The following METTL15 variants were observed in gnomAD, a reference collection of about 807,000 sequenced individuals.
METTL15 encodes the protein 12S rRNA N(4)-cytidine methyltransferase METTL15.
METTL15 carries 34 observed loss-of-function variants against 38.3 expected under a neutral mutation model. That is an observed-to-expected ratio of 0.89 (90% confidence interval 0.68 to 1.18). METTL15 has a LOEUF of 1.18. METTL15 is among the 50% of genes most tolerant of loss of function. METTL15 has a pLI of 0.00. For missense variants in METTL15, 438 were observed against 498.4 expected, an observed-to-expected ratio of 0.88 and a Z score of 1.15; for synonymous variants, 162 against 170.9, an observed-to-expected ratio of 0.95 and a Z score of 0.41.
chr11:28,188,258 A>G (rs1851576006), intron 3 of METTL15, among the ~76,000 whole-genome samples: 3 of 151,512 alleles, frequency 2.0e-5, no homozygotes, highest in South Asian at 4.1e-4. Flanking sequence ...TATTTGAAAA[A>G]AATTCAAACA....
intron 3 of METTL15, among the ~76,000 whole-genome samples, chr11:28,160,395 T>C (rs191603574): frequency 3.4e-4 from 52 of 152,192 alleles, no homozygotes; most frequent in African/African-American, 1.2e-3. Context: ...AAGGGTATTA[T>C]ACTATTTTCA....
At chr11:28,144,621 A>G (rs1038073112) in intron 3 of METTL15, among the ~76,000 whole-genome samples, 2 of 152,032 alleles carry the variant, frequency 1.3e-5, no homozygotes, top group African/African-American at 4.8e-5. Flanking sequence ...GTTTAGATAT[A>G]TATATGTGCG....
chr11:28,217,516 C>T (rs1852947745), intron 4 of METTL15, among the ~76,000 whole-genome samples: 1 of 152,074 alleles, frequency 6.6e-6, no homozygotes, highest in Non-Finnish European at 1.5e-5. Context: ...GTTGCCTGTT[C>T]ACTCTGATGG....
At chr11:28,283,504 G>T (rs1004877408) in intron 4 of METTL15, among the ~76,000 whole-genome samples, 1 of 152,138 alleles carries the variant, frequency 6.6e-6, no homozygotes, top group African/African-American at 2.4e-5. Flanking sequence ...AATGATGAAG[G>T]TCCATGTTCC....
intron 3 of METTL15, chr11:28,145,296 C>G (rs1351275760): frequency 1.3e-5 from 2 of 152,066 alleles, no homozygotes; most frequent in Non-Finnish European, 2.9e-5. Context: ...TCATCTCTTT[C>G]ATATTTCCAT....
chr11:28,384,290 A>C (rs1395861189), intron 5 of METTL15, among the ~76,000 whole-genome samples: 1 of 151,324 alleles, frequency 6.6e-6, no homozygotes, highest in Non-Finnish European at 1.5e-5. Flanking sequence ...ATATGCATGC[A>C]GATGTCTTTG....
chr11:28,375,555 CT>C (rs1337586161), intron 5 of METTL15, among the ~76,000 whole-genome samples: 3 of 152,002 alleles, frequency 2.0e-5, no homozygotes, highest in Non-Finnish European at 4.4e-5. Flanking sequence ...ATTCTTCTCT[CT>C]TTTTTTCTTT....
intron 3 of METTL15, among the ~76,000 whole-genome samples, chr11:28,114,886 A>G (rs75663467): frequency 0.15 from 23,378 of 152,256 alleles, 1,959 homozygotes; most frequent in East Asian, 0.28. Context: ...GTCAAATTAC[A>G]GTCTTAAAAG....
At chr11:28,296,985 G>GTGCATGTGTTTGTGTGCATGCACGCA (rs1856762955) in intron 6 of METTL15, 54 bp downstream of exon 6, 2 of 1,579,278 alleles carry the variant, frequency 1.3e-6, no homozygotes, top group Non-Finnish European at 1.7e-6. Flanking sequence ...ATTTACATGT[G>GTGCATGTGTTTGTGTGCATGCACGCA]TGCATGTGTT....
chr11:28,132,235 C>A (rs1849362567), intron 3 of METTL15, among the ~76,000 whole-genome samples: 1 of 152,082 alleles, frequency 6.6e-6, no homozygotes, highest in Non-Finnish European at 1.5e-5. Flanking sequence ...CTGTAAAGGT[C>A]ATAGCAACAG....
chr11:28,154,880 C>T (rs1850210223), intron 3 of METTL15, among the ~76,000 whole-genome samples: 1 of 152,040 alleles, frequency 6.6e-6, no homozygotes, highest in Admixed American at 6.6e-5. Context: ...TGAATTTGTG[C>T]CATTCTCAGT....
intron 4 of METTL15, among the ~76,000 whole-genome samples, chr11:28,214,350 TAG>T (rs1428726523): frequency 6.6e-6 from 1 of 152,028 alleles, no homozygotes; most frequent in Admixed American, 6.6e-5. Flanking sequence ...CAAATCTTGA[TAG>T]AGATAGTATA....
chr11:28,266,182 C>T (rs1463083926), intron 4 of METTL15, among the ~76,000 whole-genome samples: 1 of 152,118 alleles, frequency 6.6e-6, no homozygotes, highest in African/African-American at 2.4e-5. Context: ...CTAGAAATAC[C>T]ATTTGACCCA....
At chr11:28,409,545 G>T (rs1441327417) in intron 5 of METTL15, among the ~76,000 whole-genome samples, 1 of 151,888 alleles carries the variant, frequency 6.6e-6, no homozygotes, top group South Asian at 2.1e-4. Flanking sequence ...ATCAAAGCAG[G>T]ACCCAAAAGG....
At chr11:28,341,041 A>G (rs1849947543) in intron 3 of METTL15, among the ~76,000 whole-genome samples, 1 of 152,178 alleles carries the variant, frequency 6.6e-6, no homozygotes, top group Admixed American at 6.5e-5. Flanking sequence ...GAAGCTAGAA[A>G]CCATCATTCT....
intron 5 of METTL15, among the ~76,000 whole-genome samples, chr11:28,376,572 A>G (rs1039387199): frequency 2.0e-5 from 3 of 151,966 alleles, no homozygotes; most frequent in Admixed American, 2.0e-4. Flanking sequence ...TGCACGTGAG[A>G]TGGGTTTCCT....
intron 3 of METTL15, among the ~76,000 whole-genome samples, chr11:28,198,863 A>G (rs941836885): frequency 4.6e-5 from 7 of 152,198 alleles, no homozygotes; most frequent in African/African-American, 1.7e-4. Context: ...GACAGAAAAC[A>G]TGCAGAGCCT....
intron 4 of METTL15, among the ~76,000 whole-genome samples, chr11:28,216,383 C>G (rs6484355): frequency 1 from 151,708 of 152,278 alleles, 75,576 homozygotes; most frequent in Non-Finnish European, 1. Flanking sequence ...GAAAATGGTG[C>G]ATAATTAAAA....
At chr11:28,479,430 A>G (rs1032002829) in intron 6 of METTL15, among the ~76,000 whole-genome samples, 8 of 152,134 alleles carry the variant, frequency 5.3e-5, no homozygotes, top group Non-Finnish European at 8.8e-5. Flanking sequence ...TATGGTTCCC[A>G]TTGGCTTTTT....
Sources: allele counts gnomAD v4.1 joint callset (sites outside exome capture counted in the v4.1 genomes callset), GRCh38; gene constraint gnomAD v4.1.1; transcripts MANE v1.5; gene names NCBI Gene and HGNC (gene_info 2026-07-23, HGNC 2026-07-21).